PDE4D: variants seen among roughly 807,000 people sequenced by gnomAD.
PDE4D encodes phosphodiesterase 4D.
In PDE4D, 24 loss-of-function variants were observed where a neutral mutation model predicts 87.4. That is an observed-to-expected ratio of 0.27 (90% CI 0.20 to 0.39). PDE4D has a LOEUF of 0.39. Ranked by LOEUF, PDE4D falls within the 10% of genes least tolerant of loss-of-function variation. The pLI is 1.00. For synonymous variants in PDE4D, 384 were observed against 383.2 expected (o/e 1.00, Z -0.02); for missense variants, 714 against 1,041.0 (o/e 0.69, Z 4.32).
chr5:58,989,818 G>A lies in PDE4D; in HGVS notation c.1389C>T (p.Asn463=). The A allele has an allele frequency of 2.5e-6, 4 of 1,610,084 alleles. No homozygotes were observed. The highest frequency in any genetic ancestry group is 3.4e-6 in the Non-Finnish European group (4 of 1,176,474). ...GGACAACATCTGCAGCATGGATATT[G>A]TTGTGATAGGCCACATCAGCATGGT... ...DHYHADVAYH[N]NIHAADVVQS... is the part of the protein sequence containing the mutation. The change falls in exon 10 of 15, where the codon AAC becomes AAT. Residue 463 remains asparagine (N), a synonymous_variant. Coordinates refer to ENST00000340635, the MANE Select transcript of PDE4D (RefSeq NM_001104631.2).
chr5:60,214,320 G>A (rs890062808), intron 1 of PDE4D, among the ~76,000 whole-genome samples: 1 of 152,060 alleles, frequency 6.6e-6, no homozygotes, highest in African/African-American at 2.4e-5. Flanking sequence ...ATTTTCTCCA[G>A]CAAATTCATA....
At chr5:60,228,702 A>G (rs1745435559) in intron 1 of PDE4D, among the ~76,000 whole-genome samples, 1 of 152,084 alleles carries the variant, frequency 6.6e-6, no homozygotes, top group Admixed American at 6.6e-5. Context: ...GCTGTGTAAG[A>G]AGCTAAACTA....
At chr5:59,174,056 G>C (rs1421897543) in intron 5 of PDE4D, among the ~76,000 whole-genome samples, 5 of 152,084 alleles carry the variant, frequency 3.3e-5, no homozygotes. Flanking sequence ...CATTCGATAA[G>C]CTCAAAGCAT....
intron 1 of PDE4D, among the ~76,000 whole-genome samples, chr5:60,268,504 T>A (rs1263575124): frequency 6.6e-6 from 1 of 152,220 alleles, no homozygotes; most frequent in East Asian, 1.9e-4. Context: ...AGAAGGTACC[T>A]CAGTAGCACA....
intron 5 of PDE4D, among the ~76,000 whole-genome samples, chr5:59,148,286 G>A (rs574120128): frequency 6.6e-6 from 1 of 152,288 alleles, no homozygotes; most frequent in African/African-American, 2.4e-5. Flanking sequence ...TATTGCAAAA[G>A]TGGGAAAGAA....
Position 59,893,203 on chromosome 5 carries a change from C to T in PDE4D, c.420G>A (p.Arg140=). ...TGHRPGLKKS[R]MSWPSSFQGL... ...CCTGGAACGAGGAGGGCCAGGACAT[C>T]CTGGATTTCTTCAGGCCGGGCCGGT... The change falls in exon 1 of 15, where the codon AGG becomes AGA. Residue 140 remains arginine, a synonymous_variant. Transcript: ENST00000340635. The T allele has an allele frequency of 6.4e-7, 1 of 1,566,104 alleles. No individual in the cohort carries two copies. Among genetic ancestry groups the T allele is most frequent in the Non-Finnish European group, 8.7e-7 (1 of 1,155,238 alleles).
At chr5:59,667,596 A>G (rs1746291182) in intron 1 of PDE4D, among the ~76,000 whole-genome samples, 1 of 152,138 alleles carries the variant, frequency 6.6e-6, no homozygotes, top group Admixed American at 6.5e-5. Flanking sequence ...CTGGATCATT[A>G]TTCTCCCAGT....
chr5:59,651,636 A>C (rs1412498163), intron 1 of PDE4D, among the ~76,000 whole-genome samples: 1 of 151,354 alleles, frequency 6.6e-6, no homozygotes, highest in African/African-American at 2.4e-5. Flanking sequence ...CATTAAAAGA[A>C]TTGCTGAGTT....
chr5:59,003,522 A>G (rs1056802953), intron 6 of PDE4D, among the ~76,000 whole-genome samples: 3 of 152,214 alleles, frequency 2.0e-5, no homozygotes, highest in Admixed American at 6.5e-5. Flanking sequence ...TAACGATTCT[A>G]CATCTGCCCC....
intron 1 of PDE4D, among the ~76,000 whole-genome samples, chr5:59,288,508 G>GA (rs1443101522): frequency 6.6e-6 from 1 of 151,918 alleles, no homozygotes; most frequent in African/African-American, 2.4e-5. Context: ...AAAAAAGTTA[G>GA]AAAGAGAGAT....
rs1008207774 is a variant in PDE4D, at chr5:58,969,347, G to A, written c.*5317C>T. On this transcript the variant is annotated 3_prime_UTR_variant, in exon 15 of 15. Coordinates refer to ENST00000340635, the MANE Select transcript of PDE4D (RefSeq NM_001104631.2). ...GGGGATATCTCACACAGGATGGTTAGCAATGGCTCTGCGGCTCCAGGCCCT... is the reference window on the plus strand; with the variant it reads ...GGGGATATCTCACACAGGATGGTTAACAATGGCTCTGCGGCTCCAGGCCCT... 1 of 152,210 alleles carries A rather than the reference G, an allele frequency of 6.6e-6. No homozygotes were observed. The highest frequency in any genetic ancestry group is 1.5e-5 in the Non-Finnish European group (1 of 68,044). 9.4% of individuals were successfully genotyped at this position (152,210 alleles called of 1,614,324 possible).
At chr5:59,535,092 T>A in intron 1 of PDE4D, among the ~76,000 whole-genome samples, 1 of 148,468 alleles carries the variant, frequency 6.7e-6, no homozygotes, top group East Asian at 2.2e-4. Flanking sequence ...GGGGGTCCTC[T>A]ATCATGTATC....
intron 6 of PDE4D, chr5:59,000,017 A>G (rs1750161798): frequency 1.6e-6 from 1 of 639,016 alleles, no homozygotes; most frequent in Non-Finnish European, 1.9e-6. Flanking sequence ...TTAGCCTATA[A>G]GGCGAGGGGG....
In PDE4D at chr5:60,454,001, C is replaced by T. The variant is rs2150156694; in HGVS notation, c.-90+33941G>A. ...TCAGAAACTATTTTTAAGAAAAGGA[C>T]TGGACTGATAAATCAGGGCTAGGAA... On this transcript the variant is annotated intron_variant, in intron 1 of 16. Transcript: ENST00000502484. Among the ~76,000 whole-genome samples, 3 of 152,220 alleles carry T rather than the reference C, an allele frequency of 2.0e-5. 1 individual carries two copies. Among genetic ancestry groups the T allele is most frequent in the Admixed American group, 2.0e-4 (3 of 15,272 alleles).
intron 1 of PDE4D, among the ~76,000 whole-genome samples, chr5:60,328,979 A>G (rs1361995241): frequency 1.3e-5 from 2 of 152,202 alleles, no homozygotes; most frequent in African/African-American, 4.8e-5. Context: ...AATAATTCTT[A>G]TTGATCTTCC....
At chr5:59,505,201 T>A (rs1412385412) in intron 1 of PDE4D, among the ~76,000 whole-genome samples, 1 of 152,260 alleles carries the variant, frequency 6.6e-6, no homozygotes, top group African/African-American at 2.4e-5. Context: ...GCAGCTTTAA[T>A]ACAGCAAAAA....
At chr5:59,202,781 G>T (rs1415909916) in intron 2 of PDE4D, among the ~76,000 whole-genome samples, 1 of 151,876 alleles carries the variant, frequency 6.6e-6, no homozygotes, top group African/African-American at 2.4e-5. Flanking sequence ...GCTCCTCCTC[G>T]CCTTCCACCA....
At chr5:59,142,812 G>A (rs1017650931) in intron 5 of PDE4D, among the ~76,000 whole-genome samples, 3 of 152,186 alleles carry the variant, frequency 2.0e-5, no homozygotes, top group Non-Finnish European at 4.4e-5. Context: ...AGCTACTCGG[G>A]AGGCTGAGGC....
chr5:59,213,319 C>A (rs1040248909), intron 2 of PDE4D, among the ~76,000 whole-genome samples: 1 of 151,930 alleles, frequency 6.6e-6, no homozygotes, highest in African/African-American at 2.4e-5. Context: ...TGCCACCATG[C>A]CCAGCTATTT....
Sources: allele counts gnomAD v4.1 joint callset (sites outside exome capture counted in the v4.1 genomes callset), GRCh38; gene constraint gnomAD v4.1.1; transcripts MANE v1.5; gene names NCBI Gene and HGNC (gene_info 2026-07-23, HGNC 2026-07-21).